The following ACOT7 variants were observed in gnomAD, a reference collection of about 807,000 sequenced individuals.
ACOT7 encodes acyl-CoA thioesterase 7, also known as cytosolic acyl coenzyme A thioester hydrolase.
Under a neutral mutation model 40.2 loss-of-function variants are expected in ACOT7, and 12 were observed. That is an observed-to-expected ratio of 0.30 (90% CI 0.19 to 0.48). The LOEUF is 0.48. ACOT7 is among the 20% of genes least tolerant of loss of function. ACOT7 has a pLI of 0.99. For missense variants in ACOT7, 395 were observed against 530.8 expected (o/e 0.74, Z 2.51); for synonymous variants, 228 against 219.5 (o/e 1.04, Z -0.34).
At chr1:6,287,930 C>T (rs1199563534) in intron 7 of ACOT7, among the ~76,000 whole-genome samples, 3 of 152,170 alleles carry the variant, frequency 2.0e-5, no homozygotes, top group Non-Finnish European at 4.4e-5. Context: ...CCTTATTTTT[C>T]ACCCTAATAG....
At chr1:6,348,522 A>G (rs542695849) in intron 2 of ACOT7, among the ~76,000 whole-genome samples, 2 of 152,120 alleles carry the variant, frequency 1.3e-5, no homozygotes, top group Non-Finnish European at 2.9e-5. Context: ...GGAGGTGATG[A>G]GAGAATGGGG....
chr1:6,383,950 C>A (rs139189228), intron 1 of ACOT7, among the ~76,000 whole-genome samples: 1 of 151,666 alleles, frequency 6.6e-6, no homozygotes, highest in South Asian at 2.1e-4. Flanking sequence ...GTGATCCGCC[C>A]GCCTCGGCCT....
chr1:6,385,535 G>C, intron 1 of ACOT7: 1 of 1,612,290 alleles, frequency 6.2e-7, no homozygotes, highest in Non-Finnish European at 8.5e-7. Flanking sequence ...GATCAGCCCT[G>C]GGCCCAACCA....
intron 3 of ACOT7, among the ~76,000 whole-genome samples, chr1:6,334,070 G>A (rs1464455288): frequency 6.6e-6 from 1 of 152,158 alleles, no homozygotes; most frequent in Non-Finnish European, 1.5e-5. Context: ...GACAGAAAGG[G>A]AGCTTGATTA....
chr1:6,322,386 G>A (rs1473044512), intron 5 of ACOT7, among the ~76,000 whole-genome samples: 1 of 152,258 alleles, frequency 6.6e-6, no homozygotes, highest in Non-Finnish European at 1.5e-5. Flanking sequence ...AACTCACATG[G>A]CAGCTAACAG....
At chr1:6,385,084 T>G (rs1642412465) in intron 1 of ACOT7, among the ~76,000 whole-genome samples, 1 of 151,812 alleles carries the variant, frequency 6.6e-6, no homozygotes, top group East Asian at 1.9e-4. Context: ...CAGGAACAGC[T>G]CCCTCTGGCC....
intron 1 of ACOT7, among the ~76,000 whole-genome samples, chr1:6,361,444 C>A (rs1037598077): frequency 9.9e-5 from 15 of 152,198 alleles, no homozygotes; most frequent in African/African-American, 3.4e-4. Context: ...AAGGTTCACG[C>A]AGAATTGTAC....
chr1:6,304,684 CAT>C (rs1640074501), intron 6 of ACOT7, among the ~76,000 whole-genome samples: 2 of 132,880 alleles, frequency 1.5e-5, no homozygotes, highest in Non-Finnish European at 3.1e-5. Flanking sequence ...GGACACAGCA[CAT>C]GTTTCAGAGA....
intron 1 of ACOT7, chr1:6,385,565 C>T (rs1269068702): frequency 3.1e-6 from 5 of 1,612,098 alleles, no homozygotes; most frequent in Admixed American, 1.7e-5. Context: ...GAGCGCAGCA[C>T]CCTCGCCGGG....
intron 6 of ACOT7, among the ~76,000 whole-genome samples, chr1:6,303,842 A>T (rs777912057): frequency 3.3e-5 from 5 of 152,164 alleles, no homozygotes; most frequent in Non-Finnish European, 7.3e-5. Context: ...GGAGCATCAT[A>T]GACCCAGGGA....
intron 1 of ACOT7, among the ~76,000 whole-genome samples, chr1:6,350,162 G>A (rs938598359): frequency 2.0e-5 from 3 of 152,194 alleles, no homozygotes; most frequent in Admixed American, 6.5e-5. Context: ...AGGGCTGATG[G>A]TGAAGACCTT....
At chr1:6,308,848 C>CA (rs769816596) in intron 6 of ACOT7, among the ~76,000 whole-genome samples, 1 of 152,252 alleles carries the variant, frequency 6.6e-6, no homozygotes, top group Non-Finnish European at 1.5e-5. Context: ...AGCGACCGGA[C>CA]AGAGGGCTCC....
At chr1:6,316,535 C>T (rs1179217661) in intron 6 of ACOT7, among the ~76,000 whole-genome samples, 1 of 152,314 alleles carries the variant, frequency 6.6e-6, no homozygotes, top group Admixed American at 6.5e-5. Flanking sequence ...CAGGGCCGGG[C>T]GCGGTGGCTC....
chr1:6,269,048 G>A (rs369534856), intron 8 of ACOT7, among the ~76,000 whole-genome samples: 10 of 152,184 alleles, frequency 6.6e-5, no homozygotes, highest in African/African-American at 2.2e-4. Context: ...TGCTTAGGGC[G>A]CGGCAGGCTG....
At chr1:6,391,066 CGGGA>C (rs963346724) in intron 1 of ACOT7, among the ~76,000 whole-genome samples, 2 of 151,944 alleles carry the variant, frequency 1.3e-5, no homozygotes, top group African/African-American at 4.8e-5. Context: ...GAGGCTGAGG[CGGGA>C]GGATCACCTG....
chr1:6,360,195 C>T (rs895229337), intron 1 of ACOT7, among the ~76,000 whole-genome samples: 2 of 152,252 alleles, frequency 1.3e-5, no homozygotes, highest in Non-Finnish European at 2.9e-5. Flanking sequence ...CTGGTGCTGC[C>T]CCCGCCCAGG....
At position 6,388,703 on chromosome 1, in the gene ACOT7, G is replaced by C. The variant is rs574386430; in HGVS notation, c.143+4554C>G. On this transcript the variant is annotated intron_variant, in intron 1 of 8. Coordinates refer to ENST00000361521, the MANE Select transcript of ACOT7 (RefSeq NM_007274.4). ...TGCAGTGAGCCAAGATCCTGTCACTGCACTCCAGCCTGGGTGACAGAGTGA... is the reference window on the plus strand; with the variant it reads ...TGCAGTGAGCCAAGATCCTGTCACTCCACTCCAGCCTGGGTGACAGAGTGA... Among the ~76,000 whole-genome samples the C allele has an allele frequency of 1.3e-3, 171 of 136,380 alleles. 1 individual carries two copies. Among genetic ancestry groups the C allele is most frequent in the African/African-American group, 4.7e-3 (166 of 35,458 alleles). 89.5% of individuals were successfully genotyped at this position (136,380 alleles called of 152,430 possible).
Position 6,358,750 on chromosome 1 carries a change from T to C in ACOT7, c.144-8884A>G. On this transcript the variant is annotated intron_variant, in intron 1 of 8. Coordinates refer to ENST00000361521, the MANE Select transcript of ACOT7 (RefSeq NM_007274.4). This position sits in a 1 kb window ranked among gnomAD's most constrained non-coding sequence, Gnocchi z 4.1. ...GGGCCGAGTCCCCTCTACCCACCCT[T>C]CCCTTCCAAATGTCCCTAAACAATC... 5 of 1,480,470 alleles carry C rather than the reference T, an allele frequency of 3.4e-6. No individual in the cohort carries two copies. Among genetic ancestry groups the C allele is most frequent in the Non-Finnish European group, 4.7e-6 (5 of 1,061,866 alleles). The allele number at this position is 1,480,470 out of a possible 1,614,324, so 91.7% of individuals were successfully genotyped here.
At chr1:6,310,122 C>T (rs567344548) in intron 6 of ACOT7, among the ~76,000 whole-genome samples, 5 of 152,324 alleles carry the variant, frequency 3.3e-5, no homozygotes, top group Non-Finnish European at 7.3e-5. Flanking sequence ...GTGAAGCTGC[C>T]ACAGGCTGCC....
Sources: gnomAD v4.1 joint callset for allele counts (sites outside exome capture counted in the v4.1 genomes callset) on GRCh38, gnomAD v4.1.1 for gene constraint, Gnocchi (gnomAD v3.1) non-coding constraint, MANE v1.5 for transcripts, NCBI Gene and HGNC (gene_info 2026-07-23, HGNC 2026-07-21) for gene names.